The following BRINP3 variants were observed in gnomAD, a reference collection of about 807,000 sequenced individuals.
The protein encoded by BRINP3 is BMP/retinoic acid inducible neural specific 3, also known as BMP/retinoic acid-inducible neural-specific protein 3.
A neutral mutation model predicts 71.0 loss-of-function variants in BRINP3; 19 were observed. The observed-to-expected ratio is 0.27, with a 90% CI of 0.19 to 0.39. The LOEUF (loss-of-function observed/expected upper bound fraction) is 0.39. Ranked by LOEUF, BRINP3 falls within the 10% of genes least tolerant of loss-of-function variation. The pLI is 1.00. For missense variants in BRINP3, 959 were observed against 940.8 expected, an observed-to-expected ratio of 1.02 and a Z score of -0.25; for synonymous variants, 380 against 337.7, an observed-to-expected ratio of 1.13 and a Z score of -1.37.
rs766841627 is a variant in BRINP3 at position 190,163,917 on chromosome 1, T to C, written c.962-3027A>G. Reference sequence around the variant, plus strand: ...CCAGTAATCCTTCATGCAGATTTTATTGGAGCAATTTTATATGCAAAACAC... The same window carrying C: ...CCAGTAATCCTTCATGCAGATTTTACTGGAGCAATTTTATATGCAAAACAC... On this transcript the variant is annotated intron_variant, in intron 6 of 7. Coordinates refer to ENST00000367462, the MANE Select transcript of BRINP3 (RefSeq NM_199051.3). 7.9e-5 allele frequency among the ~76,000 whole-genome samples: 12 copies of C among 152,150 alleles called. 1 individual carries two copies. Among genetic ancestry groups the C allele is most frequent in the Non-Finnish European group, 1.8e-4 (12 of 68,000 alleles).
At chr1:190,448,576 T>C (rs1375204105) in intron 2 of BRINP3, among the ~76,000 whole-genome samples, 1 of 151,724 alleles carries the variant, frequency 6.6e-6, no homozygotes, top group Non-Finnish European at 1.5e-5. Context: ...CTGGAAGATC[T>C]ATGTATAATT....
intron 3 of BRINP3, among the ~76,000 whole-genome samples, chr1:190,269,986 A>T (rs1661967940): frequency 6.6e-6 from 1 of 152,026 alleles, no homozygotes; most frequent in Admixed American, 6.6e-5. Flanking sequence ...ATCGGTAGGA[A>T]TAAACTAGGT....
At chr1:190,247,475 A>T (rs1304429447) in intron 4 of BRINP3, among the ~76,000 whole-genome samples, 1 of 151,970 alleles carries the variant, frequency 6.6e-6, no homozygotes, top group East Asian at 1.9e-4. Context: ...GAAGAATTGC[A>T]TTTCACAGAT....
Position 190,251,260 on chromosome 1 carries a change from T to A in BRINP3, c.618+13605A>T, listed in dbSNP as rs986581659. 3.3e-5 allele frequency among the ~76,000 whole-genome samples: 5 copies of A among 152,080 alleles called. No individual in the cohort carries two copies. In the South Asian group the frequency reaches 1.0e-3, roughly 32 times the overall value. Reference sequence around the variant, plus strand: ...GAACTTGTACTTATAACTATGAGCATAATTTTTAAAAATAACATTTATAAA... The same window carrying A: ...GAACTTGTACTTATAACTATGAGCAAAATTTTTAAAAATAACATTTATAAA... On this transcript the variant is annotated intron_variant, in intron 4 of 7. Coordinates refer to ENST00000367462, the MANE Select transcript of BRINP3 (RefSeq NM_199051.3).
intron 6 of BRINP3, among the ~76,000 whole-genome samples, chr1:190,203,796 TATATATATATA>T (rs1655245822): frequency 1.5e-5 from 1 of 66,068 alleles, no homozygotes; most frequent in Non-Finnish European, 2.9e-5. Context: ...TATATATATA[TATATATATATA>T]TATATATAAA....
intron 2 of BRINP3, among the ~76,000 whole-genome samples, chr1:190,300,382 A>C (rs1053437219): frequency 3.3e-5 from 5 of 151,894 alleles, no homozygotes; most frequent in Admixed American, 1.3e-4. Flanking sequence ...AGTTCTCAAG[A>C]CTTGGTTTTC....
At chr1:190,311,356 AAGTG>A (rs1448335411) in intron 2 of BRINP3, among the ~76,000 whole-genome samples, 1 of 151,718 alleles carries the variant, frequency 6.6e-6, no homozygotes, top group African/African-American at 2.4e-5. Flanking sequence ...GGATAAATGA[AAGTG>A]AGGAGAATGT....
chr1:190,170,790 C>A (rs1651941901), intron 6 of BRINP3, among the ~76,000 whole-genome samples: 1 of 152,088 alleles, frequency 6.6e-6, no homozygotes, highest in African/African-American at 2.4e-5. Context: ...AACCTGTGAT[C>A]ATTAGTTATA....
chr1:190,433,831 A>AT, intron 2 of BRINP3, among the ~76,000 whole-genome samples: 1 of 152,120 alleles, frequency 6.6e-6, no homozygotes, highest in East Asian at 1.9e-4. Context: ...AACATGTTAA[A>AT]TTTTTGCCAC....
At chr1:190,099,339 T>C (rs537455132) in intron 7 of BRINP3, among the ~76,000 whole-genome samples, 157 of 152,008 alleles carry the variant, frequency 1.0e-3, no homozygotes, top group Non-Finnish European at 2.0e-3. Context: ...GACGTGTGTA[T>C]GTATATTCCA....
At chr1:190,341,174 T>C (rs1050126390) in intron 2 of BRINP3, among the ~76,000 whole-genome samples, 2 of 151,846 alleles carry the variant, frequency 1.3e-5, no homozygotes, top group African/African-American at 2.4e-5. Flanking sequence ...CAGCCACTAG[T>C]TAGTAATTTT....
At chr1:190,263,333 A>G (rs1661356865) in intron 4 of BRINP3, among the ~76,000 whole-genome samples, 1 of 152,126 alleles carries the variant, frequency 6.6e-6, no homozygotes, top group African/African-American at 2.4e-5. Context: ...TTGTTACTCA[A>G]TATAACATTA....
At chr1:190,116,190 A>G (rs1445158788) in intron 7 of BRINP3, among the ~76,000 whole-genome samples, 2 of 152,106 alleles carry the variant, frequency 1.3e-5, no homozygotes, top group South Asian at 2.1e-4. Context: ...TCTCCTCAAA[A>G]TAAATGTCAT....
chr1:190,427,897 C>A (rs1408662546), intron 2 of BRINP3, among the ~76,000 whole-genome samples: 1 of 149,042 alleles, frequency 6.7e-6, no homozygotes, highest in African/African-American at 2.5e-5. Context: ...TTCCTCCCAT[C>A]CCCCATGCCC....
intron 6 of BRINP3, among the ~76,000 whole-genome samples, chr1:190,196,247 T>C (rs1654466874): frequency 6.6e-6 from 1 of 152,100 alleles, no homozygotes; most frequent in Admixed American, 6.6e-5. Flanking sequence ...CACCTACCAA[T>C]AGCACCCTGC....
chr1:190,135,116 T>G (rs1654861097), intron 7 of BRINP3, among the ~76,000 whole-genome samples: 1 of 152,106 alleles, frequency 6.6e-6, no homozygotes, highest in South Asian at 2.1e-4. Context: ...CCTAGATGAA[T>G]TCTCCTGGTT....
chr1:190,138,344 C>A (rs539319598), intron 7 of BRINP3, among the ~76,000 whole-genome samples: 1 of 152,120 alleles, frequency 6.6e-6, no homozygotes, highest in South Asian at 2.1e-4. Context: ...ATGAAGACTG[C>A]TAAACATGAG....
chr1:190,266,129 A>T (rs753652127), intron 3 of BRINP3, among the ~76,000 whole-genome samples: 6 of 152,244 alleles, frequency 3.9e-5, no homozygotes, highest in Non-Finnish European at 8.8e-5. Flanking sequence ...CATCTAGCAC[A>T]TAATTGTCAA....
Position 190,281,547 on chromosome 1 carries a change from C to A in BRINP3, c.427+13G>T. On this transcript the variant is annotated intron_variant, in intron 3 of 7. Coordinates refer to ENST00000367462, the MANE Select transcript of BRINP3 (RefSeq NM_199051.3). ...AAGCACACACAGGCACAAATAGGTTCAAAGAGCCGTACCTCCCAGAGTAGC... is the reference window on the plus strand; with the variant it reads ...AAGCACACACAGGCACAAATAGGTTAAAAGAGCCGTACCTCCCAGAGTAGC... 1 of 1,609,748 alleles carries A rather than the reference C, an allele frequency of 6.2e-7. No homozygotes were observed. The highest frequency in any genetic ancestry group is 8.5e-7 in the Non-Finnish European group (1 of 1,177,634).
Sources: gnomAD v4.1 joint callset for allele counts (sites outside exome capture counted in the v4.1 genomes callset) on GRCh38, gnomAD v4.1.1 for gene constraint, MANE v1.5 for transcripts, NCBI Gene and HGNC (gene_info 2026-07-23, HGNC 2026-07-21) for gene names.